The following XKR9 variants were observed in gnomAD, a reference collection of about 807,000 sequenced individuals.
XKR9 encodes the protein XK-related protein 9.
XKR9 carries 32 observed loss-of-function variants against 32.0 expected under a neutral mutation model. That is an observed-to-expected ratio of 1.00 (90% CI 0.76 to 1.34). The LOEUF (loss-of-function observed/expected upper bound fraction) is 1.34, where lower values mean the gene tolerates loss of function less well. XKR9 is among the 40% of genes most tolerant of loss of function. The pLI is 0.00. For missense variants in XKR9, 546 were observed against 429.7 expected, an observed-to-expected ratio of 1.27 and a Z score of -2.39; for synonymous variants, 168 against 143.4, an observed-to-expected ratio of 1.17 and a Z score of -1.22.
chr8:70,914,019 C>A, the XKR9 span, among the ~76,000 whole-genome samples: 2 of 151,952 alleles, frequency 1.3e-5, no homozygotes, highest in Non-Finnish European at 2.9e-5. Context: ...CCAGTTTGGG[C>A]TATTATGATA....
the XKR9 span, among the ~76,000 whole-genome samples, chr8:70,830,571 A>G: frequency 6.6e-6 from 1 of 152,204 alleles, no homozygotes; most frequent in Non-Finnish European, 1.5e-5. Context: ...TGGGCGACAG[A>G]ACGAGACCCT....
chr8:70,815,940 G>A, the XKR9 span, among the ~76,000 whole-genome samples: 1 of 152,034 alleles, frequency 6.6e-6, no homozygotes, highest in East Asian at 1.9e-4. Flanking sequence ...TATGAATAGT[G>A]CTGCAGTGTC....
the XKR9 span, among the ~76,000 whole-genome samples, chr8:70,887,490 CATTGAATCTAT>C: frequency 6.6e-6 from 1 of 152,062 alleles, no homozygotes; most frequent in Non-Finnish European, 1.5e-5. Context: ...ATGGGAATAG[CATTGAATCTAT>C]ATACTACTTT....
chr8:70,912,424 G>T, the XKR9 span, among the ~76,000 whole-genome samples: 1 of 152,022 alleles, frequency 6.6e-6, no homozygotes, highest in South Asian at 2.1e-4. Context: ...CACAATAGGA[G>T]CATAAAATAA....
At chr8:71,020,868 A>C in the XKR9 span, among the ~76,000 whole-genome samples, 6 of 152,294 alleles carry the variant, frequency 3.9e-5, no homozygotes, top group African/African-American at 1.4e-4. Flanking sequence ...CTTCTATCTA[A>C]CTGTATATTA....
chr8:70,815,359 TC>T, the XKR9 span, among the ~76,000 whole-genome samples: 1 of 152,076 alleles, frequency 6.6e-6, no homozygotes, highest in Non-Finnish European at 1.5e-5. Context: ...TGTGTGTTAT[TC>T]CCCTCTACGT....
At chr8:70,702,828 G>T (rs933187588) in intron 3 of XKR9, among the ~76,000 whole-genome samples, 4 of 152,040 alleles carry the variant, frequency 2.6e-5, no homozygotes, top group African/African-American at 9.7e-5. Flanking sequence ...ACATGAATTT[G>T]TATCTTGCTT....
the XKR9 span, among the ~76,000 whole-genome samples, chr8:70,898,109 T>A: frequency 6.6e-6 from 1 of 152,184 alleles, no homozygotes; most frequent in Admixed American, 6.5e-5. Context: ...GATAGGGGTC[T>A]AGTTTCATTC....
At chr8:70,999,977 T>A in the XKR9 span, among the ~76,000 whole-genome samples, 1 of 152,198 alleles carries the variant, frequency 6.6e-6, no homozygotes, top group Non-Finnish European at 1.5e-5. Context: ...ATGAATCAAT[T>A]TCTCTTTCAT....
chr8:70,871,985 C>A, the XKR9 span, among the ~76,000 whole-genome samples: 1 of 152,140 alleles, frequency 6.6e-6, no homozygotes, highest in East Asian at 1.9e-4. Context: ...TTCCAAACTT[C>A]CAAATTTTGC....
the XKR9 span, among the ~76,000 whole-genome samples, chr8:70,848,696 C>T: frequency 6.7e-6 from 1 of 149,156 alleles, no homozygotes; most frequent in Non-Finnish European, 1.5e-5. Flanking sequence ...AGATCCATCT[C>T]ACATGCAAAG....
At chr8:70,919,870 A>G in the XKR9 span, among the ~76,000 whole-genome samples, 1 of 152,240 alleles carries the variant, frequency 6.6e-6, no homozygotes, top group Non-Finnish European at 1.5e-5. Context: ...GATCATTTCA[A>G]ACAAACTTTT....
the XKR9 span, among the ~76,000 whole-genome samples, chr8:71,062,905 G>A: frequency 6.6e-6 from 1 of 152,024 alleles, no homozygotes; most frequent in African/African-American, 2.4e-5. Context: ...TGATTACACT[G>A]CTTCTTTGTC....
At chr8:71,011,802 T>C in the XKR9 span, among the ~76,000 whole-genome samples, 1 of 152,190 alleles carries the variant, frequency 6.6e-6, no homozygotes, top group Non-Finnish European at 1.5e-5. Context: ...TGCCAAAAAT[T>C]TGATGAAAAC....
In XKR9 at chr8:70,707,172, C is replaced by G. The variant is rs759529636; in HGVS notation, c.493+19C>G. ...AGTCAGTGTAAGTTTTTCTTAACTC[C>G]TTGTGTTAAATGGATGCCACTGAGA... On this transcript the variant is annotated intron_variant, in intron 4 of 4. Transcript: ENST00000408926. The G allele has an allele frequency of 1.9e-6, 3 of 1,601,292 alleles. No homozygotes were observed. The highest frequency in any genetic ancestry group is 1.3e-5 in the African/African-American group (1 of 74,590).
chr8:70,802,766 G>A, the XKR9 span, among the ~76,000 whole-genome samples: 1 of 152,158 alleles, frequency 6.6e-6, no homozygotes. Flanking sequence ...AGAAATTCTT[G>A]GTTAGAATTT....
chr8:70,729,429 C>A (rs1463043796), intron 4 of XKR9, among the ~76,000 whole-genome samples: 2 of 152,096 alleles, frequency 1.3e-5, no homozygotes, highest in Non-Finnish European at 1.5e-5. Context: ...TCAGTTAACT[C>A]CTGTTCTGCT....
At chr8:70,961,790 T>G in the XKR9 span, among the ~76,000 whole-genome samples, 1 of 151,988 alleles carries the variant, frequency 6.6e-6, no homozygotes, top group Non-Finnish European at 1.5e-5. Flanking sequence ...CACTACAGGA[T>G]TTTTTTTCCT....
intron 2 of XKR9, among the ~76,000 whole-genome samples, chr8:70,779,546 T>G (rs1807586581): frequency 6.6e-6 from 1 of 152,182 alleles, no homozygotes; most frequent in African/African-American, 2.4e-5. Flanking sequence ...CTCCTCTTTG[T>G]ACCTCTGGTA....
Sources: allele counts gnomAD v4.1 joint callset (sites outside exome capture counted in the v4.1 genomes callset), GRCh38; gene constraint gnomAD v4.1.1; transcripts MANE v1.5; gene names NCBI Gene and HGNC (gene_info 2026-07-23, HGNC 2026-07-21).